FRMPD2: variants seen among roughly 807,000 people sequenced by gnomAD.
FRMPD2 encodes FERM and PDZ domain-containing protein 2.
FRMPD2 carries 96 observed loss-of-function variants against 140.1 expected under a neutral mutation model. The ratio of observed to expected loss-of-function variants is 0.69; its 90% confidence interval spans 0.58 to 0.81. The LOEUF is 0.81. Among genes scored for constraint, FRMPD2 ranks in the 40% least tolerant of loss-of-function variants. The probability of loss-of-function intolerance (pLI) is 0.00; values close to 1 mark genes in which losing one functional copy is unlikely to be tolerated. For synonymous variants in FRMPD2, 449 were observed against 547.6 expected (o/e 0.82, Z 2.52); for missense variants, 1,240 against 1,447.4 (o/e 0.86, Z 2.32).
chr10:48,245,354 T>A lies in FRMPD2; in HGVS notation c.310-505A>T, dbSNP rs1234983977. 2.0e-5 allele frequency among the ~76,000 whole-genome samples: 3 copies of A among 152,212 alleles called. No individual in the cohort carries two copies. The East Asian group carries it at 5.8e-4, about 29-fold the overall frequency. Reference sequence around the variant, plus strand: ...TCTTGTTTAGTAACTAACAACCATATCTTTGGCCCTGGCCATTGTATTTTA... The same window carrying A: ...TCTTGTTTAGTAACTAACAACCATAACTTTGGCCCTGGCCATTGTATTTTA... On this transcript the variant is annotated intron_variant, in intron 3 of 28. Transcript: ENST00000374201.
At chr10:48,173,600 G>C (rs559792206) in intron 24 of FRMPD2, among the ~76,000 whole-genome samples, 2 of 152,022 alleles carry the variant, frequency 1.3e-5, no homozygotes, top group East Asian at 3.9e-4. Flanking sequence ...CACCCTTCTT[G>C]GTCCACCCCA....
intron 16 of FRMPD2, among the ~76,000 whole-genome samples, chr10:48,190,721 T>C (rs934913691): frequency 6.6e-6 from 1 of 152,234 alleles, no homozygotes; most frequent in Non-Finnish European, 1.5e-5. Context: ...AAATTTGGCA[T>C]TTGTAAACCA....
At chr10:48,201,634 G>T in intron 14 of FRMPD2, 1 of 331,640 alleles carries the variant, frequency 3.0e-6, no homozygotes, top group Non-Finnish European at 5.6e-6. Context: ...GAGTGTGCTG[G>T]GTGAGAAGAA....
intron 1 of FRMPD2, among the ~76,000 whole-genome samples, chr10:48,256,328 C>T (rs1327161802): frequency 6.6e-6 from 1 of 152,158 alleles, no homozygotes; most frequent in African/African-American, 2.4e-5. Flanking sequence ...ACACCGTATG[C>T]ATTAGTTGCC....
chr10:48,265,678 C>T (rs1341234715), intron 1 of FRMPD2, among the ~76,000 whole-genome samples: 1 of 152,106 alleles, frequency 6.6e-6, no homozygotes, highest in Non-Finnish European at 1.5e-5. Flanking sequence ...TACCATCTCA[C>T]ACTGGTCAGA....
rs1840386559 is a variant in FRMPD2, at chr10:48,251,667, A to C, written c.50T>G (p.Leu17Arg). Residue 17 changes from leucine (L) to arginine (R), a missense_variant, in exon 2 of 29, where the codon CTG (leucine) becomes CGG (arginine). Around this residue, in one of 6 missense-constraint regions of FRMPD2, gnomAD observed 1,161 missense variants for 1,055.9 expected, o/e 1.10. Coordinates refer to ENST00000374201, the MANE Select transcript of FRMPD2 (RefSeq NM_001018071.4). Reference protein sequence around the residue: ...DAGMSLSSVTLASALQVRGEA... With the variant: ...DAGMSLSSVTRASALQVRGEA... ...ACCCCTGACCTGTAGGGCGCTGGCC[A>C]GCGTCACAGAGGACAGGCTCATGCC... is the stretch of plus-strand genomic sequence containing the variant. The C allele has an allele frequency of 6.2e-7, 1 of 1,614,248 alleles. No homozygotes were observed. The highest frequency in any genetic ancestry group is 8.5e-7 in the Non-Finnish European group (1 of 1,180,034).
At chr10:48,186,669 T>G (rs10857547) in intron 17 of FRMPD2, among the ~76,000 whole-genome samples, 10,118 of 152,298 alleles carry the variant, frequency 0.066, 1,132 homozygotes, top group African/African-American at 0.23. Context: ...CTTCCCAGTC[T>G]TGGGTATGTC....
chr10:48,185,539 G>T lies in FRMPD2; in HGVS notation c.2359+14C>A. The T allele has an allele frequency of 2.5e-6, 4 of 1,602,480 alleles. No individual in the cohort carries two copies. Among genetic ancestry groups the T allele is most frequent in the Non-Finnish European group, 3.4e-6 (4 of 1,169,404 alleles). On this transcript the variant is annotated intron_variant, in intron 18 of 28. Coordinates refer to ENST00000374201, the MANE Select transcript of FRMPD2 (RefSeq NM_001018071.4). The stretch of plus-strand genomic sequence containing the variant: ...CAGTAGAGACTGGGCCTCACCTACA[G>T]GGAGCCCTCTTACCAAAACCACGAT...
intron 1 of FRMPD2, among the ~76,000 whole-genome samples, chr10:48,259,980 T>G (rs188491392): frequency 6.6e-6 from 1 of 152,170 alleles, no homozygotes; most frequent in East Asian, 1.9e-4. Context: ...ACCAATAAGA[T>G]GTATAGATAT....
intron 12 of FRMPD2, among the ~76,000 whole-genome samples, chr10:48,212,520 C>T (rs561028502): frequency 1.2e-3 from 185 of 152,214 alleles, no homozygotes; most frequent in South Asian, 2.3e-3. Flanking sequence ...ACACTTTCCA[C>T]GATGCCACAC....
chr10:48,247,228 G>C (rs280615), intron 3 of FRMPD2, among the ~76,000 whole-genome samples: 3 of 152,174 alleles, frequency 2.0e-5, no homozygotes. Context: ...AAGTGACTGG[G>C]CCTTCATAAG....
rs182330759 is a variant in FRMPD2, at chr10:48,217,880, C to T, written c.1455+4433G>A. The stretch of plus-strand genomic sequence containing the variant: ...ACACAGAACTCTGCGAAGGTGTCCA[C>T]ACCCAGTGGTGGCTACTGTTCCTCC... On this transcript the variant is annotated intron_variant, in intron 12 of 28. Coordinates refer to ENST00000374201, the MANE Select transcript of FRMPD2 (RefSeq NM_001018071.4). Among the ~76,000 whole-genome samples the T allele has an allele frequency of 4.8e-4, 73 of 152,336 alleles. 1 individual carries two copies. In the East Asian group the frequency reaches 0.012, roughly 25 times the overall value.
intron 28 of FRMPD2, chr10:48,159,066 C>T: frequency 2.5e-6 from 1 of 399,510 alleles, no homozygotes; most frequent in African/African-American, 2.1e-5. Context: ...GTCCTATTTA[C>T]TTACGGTTAA....
intron 15 of FRMPD2, among the ~76,000 whole-genome samples, chr10:48,197,650 C>T (rs1387689930): frequency 3.3e-5 from 5 of 152,144 alleles, no homozygotes; most frequent in African/African-American, 4.8e-5. Flanking sequence ...CCAGGAACCA[C>T]GCTCTGAACA....
chr10:48,271,683 A>G (rs1840768837), intron 1 of FRMPD2, among the ~76,000 whole-genome samples: 1 of 152,258 alleles, frequency 6.6e-6, no homozygotes, highest in Admixed American at 6.5e-5. Context: ...AGCGACCAGT[A>G]AAAGGAAGCC....
intron 10 of FRMPD2, among the ~76,000 whole-genome samples, chr10:48,223,913 C>T (rs906847013): frequency 8.2e-4 from 125 of 152,278 alleles, no homozygotes; most frequent in African/African-American, 2.7e-3. Flanking sequence ...GAAAGAGGAC[C>T]CCACCAGGAA....
rs1296605946 is a variant in FRMPD2 at position 48,159,304 on chromosome 10, C to T, written c.3882-1934G>A. The stretch of plus-strand genomic sequence containing the variant: ...TTGAAGCTCAGATGATAAATCTGAG[C>T]TGAAGTACAATACTTAGGATTTGTC... On this transcript the variant is annotated intron_variant, in intron 28 of 28. Transcript: ENST00000374201. The T allele has an allele frequency of 1.5e-5, 7 of 453,522 alleles. No individual in the cohort carries two copies. The Admixed American group carries it at 1.6e-4, about 11-fold the overall frequency. 28.1% of individuals were successfully genotyped at this position (453,522 alleles called of 1,614,324 possible). A position where few individuals can be genotyped will look rare whatever the true frequency, so the allele number is the denominator to read the frequency against.
intron 1 of FRMPD2, among the ~76,000 whole-genome samples, chr10:48,255,173 A>G (rs1222703178): frequency 3.9e-5 from 6 of 151,968 alleles, no homozygotes; most frequent in East Asian, 1.9e-4. Context: ...TGACTCCACT[A>G]TCTGAAGGCT....
intron 1 of FRMPD2, among the ~76,000 whole-genome samples, chr10:48,266,941 A>G (rs1840687646): frequency 6.6e-6 from 1 of 152,252 alleles, no homozygotes; most frequent in African/African-American, 2.4e-5. Context: ...GGGTGGTGTC[A>G]GCAGAGGACT....
Sources: gnomAD v4.1 joint callset for allele counts (sites outside exome capture counted in the v4.1 genomes callset) on GRCh38, gnomAD v4.1.1 for gene constraint, gnomAD v4.1.1 regional missense constraint, MANE v1.5 for transcripts, NCBI Gene and HGNC (gene_info 2026-07-23, HGNC 2026-07-21) for gene names.